The following VPS26A variants were observed in gnomAD, a reference collection of about 807,000 sequenced individuals.
VPS26A encodes the protein vacuolar protein sorting-associated protein 26A.
VPS26A carries 22 observed loss-of-function variants against 42.4 expected under a neutral mutation model. The ratio of observed to expected loss-of-function variants is 0.52; its 90% CI spans 0.37 to 0.74. VPS26A has a LOEUF of 0.74. Ranked by LOEUF, VPS26A falls within the 30% of genes least tolerant of loss-of-function variation. VPS26A has a pLI of 0.00. For synonymous variants in VPS26A, 110 were observed against 123.5 expected (o/e 0.89, Z 0.73); for missense variants, 276 against 379.2 (o/e 0.73, Z 2.26).
At position 69,157,173 on chromosome 10, in the gene VPS26A, T is replaced by C. The variant is rs748156128; in HGVS notation, c.386+10T>C. On this transcript the variant is annotated intron_variant, in intron 4 of 8. Transcript: ENST00000263559. ...CCAATGTCCGCTTGAGGTATGAATG[T>C]GTATTATAAACTGTAAACAGAATCA... The C allele has an allele frequency of 2.1e-4, 334 of 1,607,670 alleles. No homozygotes were observed. Among genetic ancestry groups the C allele is most frequent in the Non-Finnish European group, 2.7e-4 (323 of 1,177,230 alleles).
At chr10:69,165,929 G>T (rs1474535668) in intron 6 of VPS26A, 113 bp from the exon 7 acceptor site, 16 of 1,012,662 alleles carry the variant, frequency 1.6e-5, no homozygotes, top group Non-Finnish European at 2.2e-5. Flanking sequence ...TTGGGTGATG[G>T]AGCGAGACAC....
At chr10:69,138,440 A>G (rs144906960) in intron 2 of VPS26A, among the ~76,000 whole-genome samples, 223 of 152,304 alleles carry the variant, frequency 1.5e-3, no homozygotes, top group Non-Finnish European at 2.6e-3. Context: ...ATAAACTGCC[A>G]AAGACCTTAG....
At chr10:69,141,215 A>G (rs1346785451) in intron 2 of VPS26A, among the ~76,000 whole-genome samples, 1 of 152,254 alleles carries the variant, frequency 6.6e-6, no homozygotes, top group East Asian at 1.9e-4. Flanking sequence ...TATAGTAGCC[A>G]GAATAGTCTG....
At chr10:69,133,535 C>T in intron 2 of VPS26A, 1 of 1,286,056 alleles carries the variant, frequency 7.8e-7, no homozygotes, top group Non-Finnish European at 1.0e-6. Context: ...TTTCTAGGTA[C>T]TCTGTAGAGG....
chr10:69,140,034 TATGTTGCTA>T (rs1327959829), intron 2 of VPS26A, among the ~76,000 whole-genome samples: 6 of 152,060 alleles, frequency 3.9e-5, no homozygotes, highest in African/African-American at 1.4e-4. Flanking sequence ...TTGATATATT[TATGTTGCTA>T]ATTTTTATGT....
At chr10:69,138,073 A>G (rs1392833760) in intron 2 of VPS26A, among the ~76,000 whole-genome samples, 1 of 152,014 alleles carries the variant, frequency 6.6e-6, no homozygotes, top group Non-Finnish European at 1.5e-5. Flanking sequence ...GTTTCTATGA[A>G]TTTGCCTATT....
At position 69,172,797 on chromosome 10, in the gene VPS26A, C is replaced by G. The variant is rs1841846227; in HGVS notation, c.*1528C>G. On this transcript the variant is annotated 3_prime_UTR_variant, in exon 9 of 9. Coordinates refer to ENST00000263559, the MANE Select transcript of VPS26A (RefSeq NM_004896.5). ...AAATATTCAAAGAGATTTTGAAAAC[C>G]AATTGTATTTAACCAGCCTCAAATT... The G allele has an allele frequency of 6.6e-6, 1 of 152,496 alleles. No homozygotes were observed. The highest frequency in any genetic ancestry group is 2.4e-5 in the African/African-American group (1 of 41,396). 9.4% of individuals were successfully genotyped at this position (152,496 alleles called of 1,614,324 possible).
At chr10:69,159,214 C>T (rs1281006881) in intron 5 of VPS26A, among the ~76,000 whole-genome samples, 1 of 151,992 alleles carries the variant, frequency 6.6e-6, no homozygotes, top group African/African-American at 2.4e-5. Context: ...AACTCCGTCT[C>T]CACTGAAAAT....
intron 5 of VPS26A, among the ~76,000 whole-genome samples, chr10:69,160,833 TC>T (rs921924151): frequency 6.6e-6 from 1 of 152,188 alleles, no homozygotes; most frequent in Admixed American, 6.5e-5. Flanking sequence ...TTATAGGGAT[TC>T]CTAAGTTTAT....
intron 2 of VPS26A, among the ~76,000 whole-genome samples, chr10:69,152,611 T>G (rs553514701): frequency 6.6e-6 from 1 of 152,360 alleles, no homozygotes; most frequent in East Asian, 1.9e-4. Flanking sequence ...CCTTGATTTC[T>G]GTTATCTTTT....
rs761723650 is a variant in VPS26A at position 69,133,057 on chromosome 10, C to G, written c.153+10C>G. The G allele has an allele frequency of 1.9e-6, 3 of 1,604,822 alleles. No homozygotes were observed. Among genetic ancestry groups the G allele is most frequent in the Non-Finnish European group, 2.5e-6 (3 of 1,177,676 alleles). ...ATCCGTTTCAGGAAAGGTAAATCTT[C>G]TGTTTGACAAAACTATCTAATTGTA... On this transcript the variant is annotated intron_variant, in intron 2 of 8. Transcript: ENST00000263559.
intron 1 of VPS26A, 131 bp downstream of exon 1, chr10:69,124,411 G>C (rs1466324491): frequency 2.9e-6 from 3 of 1,032,356 alleles, no homozygotes; most frequent in South Asian, 9.7e-5. Context: ...GGTTAGGCCT[G>C]TCGGGCCACC....
chr10:69,128,912 G>T (rs946357189), intron 1 of VPS26A, among the ~76,000 whole-genome samples: 1 of 143,394 alleles, frequency 7.0e-6, no homozygotes, highest in South Asian at 2.2e-4. Flanking sequence ...TGGGAGGCTT[G>T]CTTGAGCCCA....
At chr10:69,137,171 T>C (rs903283966) in intron 2 of VPS26A, among the ~76,000 whole-genome samples, 3 of 152,212 alleles carry the variant, frequency 2.0e-5, no homozygotes, top group Non-Finnish European at 4.4e-5. Context: ...CAATAACTTA[T>C]ATAAACTCAT....
intron 8 of VPS26A, among the ~76,000 whole-genome samples, 157 bp downstream of exon 8, chr10:69,168,788 C>T (rs1427894298): frequency 6.6e-6 from 1 of 152,126 alleles, no homozygotes; most frequent in Non-Finnish European, 1.5e-5. Flanking sequence ...AGAATAGAAT[C>T]CTATGATAGA....
intron 5 of VPS26A, 63 bp from the exon 6 acceptor site, chr10:69,162,343 A>G (rs554270814): frequency 2.4e-6 from 2 of 845,648 alleles, no homozygotes; most frequent in East Asian, 5.2e-5. Flanking sequence ...CTTTTAGGAC[A>G]TAGTTCACTG....
rs781110840 is a variant in VPS26A at position 69,162,487 on chromosome 10, G to C, written c.633G>C (p.Leu211=). The part of the protein sequence containing the change: ...RIKIQHMELQ[L]IKKEITGIGP... Reference sequence around the variant, plus strand: ...AAATACAACATATGGAGTTACAGCTGATCAAAAAAGAGATCACAGGAATTG... The same window carrying C: ...AAATACAACATATGGAGTTACAGCTCATCAAAAAAGAGATCACAGGAATTG... The change falls in exon 6 of 9, where the codon CTG becomes CTC. Residue 211 remains leucine, a synonymous_variant. Coordinates refer to ENST00000263559, the MANE Select transcript of VPS26A (RefSeq NM_004896.5). The C allele has an allele frequency of 1.3e-6, 2 of 1,555,294 alleles. No individual in the cohort carries two copies. The highest frequency in any genetic ancestry group is 2.3e-5 in the East Asian group (1 of 44,058).
intron 7 of VPS26A, among the ~76,000 whole-genome samples, chr10:69,167,335 A>G (rs1213985810): frequency 6.6e-6 from 1 of 151,778 alleles, no homozygotes; most frequent in Admixed American, 6.6e-5. Flanking sequence ...GGAGGTGGGA[A>G]GCTCACTTGA....
intron 7 of VPS26A, among the ~76,000 whole-genome samples, chr10:69,167,900 TA>T (rs1318772187): frequency 6.6e-6 from 1 of 152,208 alleles, no homozygotes; most frequent in African/African-American, 2.4e-5. Flanking sequence ...TTCAATAATT[TA>T]TACACATGAT....
Sources: allele counts gnomAD v4.1 joint callset (sites outside exome capture counted in the v4.1 genomes callset), GRCh38; gene constraint gnomAD v4.1.1; transcripts MANE v1.5; gene names NCBI Gene and HGNC (gene_info 2026-07-23, HGNC 2026-07-21).